The following DMRTA1 variants were observed in gnomAD, a reference collection of about 807,000 sequenced individuals.
DMRTA1 encodes the protein doublesex- and mab-3-related transcription factor A1.
Under a neutral mutation model 35.2 loss-of-function variants are expected in DMRTA1, and 34 were observed. The ratio of observed to expected loss-of-function variants is 0.97; its 90% CI spans 0.74 to 1.29. The LOEUF (loss-of-function observed/expected upper bound fraction) is 1.29, where lower values mean the gene tolerates loss of function less well. Among genes scored for constraint, DMRTA1 ranks in the 50% most tolerant of loss-of-function variants. The pLI is 0.00. For synonymous variants in DMRTA1, 344 were observed against 276.6 expected, an observed-to-expected ratio of 1.24 and a Z score of -2.42; for missense variants, 824 against 644.6, an observed-to-expected ratio of 1.28 and a Z score of -3.01.
Position 22,446,909 on chromosome 9 carries a change from C to A in DMRTA1, c.-157C>A. 1.1e-6 allele frequency: 1 copy of A among 937,370 alleles called. No homozygotes were observed. Among genetic ancestry groups the A allele is most frequent in the Non-Finnish European group, 1.6e-6 (1 of 643,850 alleles). 58.1% of individuals were successfully genotyped at this position (937,370 alleles called of 1,614,324 possible). On this transcript the variant is annotated 5_prime_UTR_variant, in exon 1 of 2. Transcript: ENST00000325870. Reference sequence around the variant, plus strand: ...GCTCCAGGACGCGGTCGTCCCAACTCCTTCCGAGTGGAAAGAGTGTAAAAC... The same window carrying A: ...GCTCCAGGACGCGGTCGTCCCAACTACTTCCGAGTGGAAAGAGTGTAAAAC...
Position 22,447,696 on chromosome 9 carries a change from G to C in DMRTA1, c.631G>C (p.Glu211Gln). The C allele has an allele frequency of 6.2e-7, 1 of 1,613,370 alleles. No homozygotes were observed. Among genetic ancestry groups the C allele is most frequent in the Non-Finnish European group, 8.5e-7 (1 of 1,180,006 alleles). ...CAGTGGTTCCGCGACCCCCGCTTTC[G>C]AAGTTTTCCAGCAAGATTATCCTGA... ...QASGSATPAFEVFQQDYPEEK... is the reference protein window; with the variant it reads ...QASGSATPAFQVFQQDYPEEK... Residue 211 changes from glutamate (E) to glutamine (Q), a missense_variant, in exon 1 of 2, where the codon GAA becomes CAA. Glu to Gln is a conservative substitution (Grantham distance 29, BLOSUM62 2). Coordinates refer to ENST00000325870, the MANE Select transcript of DMRTA1 (RefSeq NM_022160.3).
rs1818838319 is a variant in DMRTA1, at chr9:22,446,995, A to T, written c.-71A>T. 3 of 1,545,318 alleles carry T rather than the reference A, an allele frequency of 1.9e-6. No homozygotes were observed. Among genetic ancestry groups the T allele is most frequent in the Non-Finnish European group, 2.6e-6 (3 of 1,144,326 alleles). ...CGGCGCGTCCTGCCCCGGCTTCCCC[A>T]GCCTCCCAGCAGGGTTAGCTGCGGT... On this transcript the variant is annotated 5_prime_UTR_variant, in exon 1 of 2. Coordinates refer to ENST00000325870, the MANE Select transcript of DMRTA1 (RefSeq NM_022160.3).
rs1818944488 is a variant in DMRTA1 at position 22,452,362 on chromosome 9, CTG to C, written c.*453_*454del. On this transcript the variant is annotated 3_prime_UTR_variant, in exon 2 of 2. Transcript: ENST00000325870. ...ATTCTAAATAATTACCATTTCAAAA[CTG>C]TTTCTTCTATTCCTGGTTCATAGGA... The C allele has an allele frequency of 6.5e-6, 1 of 152,800 alleles. No individual in the cohort carries two copies. The highest frequency in any genetic ancestry group is 2.4e-5 in the African/African-American group (1 of 41,432). 9.5% of individuals were successfully genotyped at this position (152,800 alleles called of 1,614,324 possible).
At chr9:22,449,497 G>A (rs1021861696) in intron 1 of DMRTA1, among the ~76,000 whole-genome samples, 17 of 152,066 alleles carry the variant, frequency 1.1e-4, no homozygotes, top group African/African-American at 3.4e-4. Context: ...TGTACTGTGA[G>A]TAAAATATAA....
At position 22,455,737 on chromosome 9, in the gene DMRTA1, C is replaced by G. The variant is rs1818995345; in HGVS notation, c.*3826C>G. 1.3e-5 allele frequency: 2 copies of G among 152,120 alleles called. No homozygotes were observed. Among genetic ancestry groups the G allele is most frequent in the South Asian group, 2.1e-4 (1 of 4,822 alleles). The allele number at this position is 152,120 out of a possible 1,614,324, so 9.4% of individuals were successfully genotyped here. On this transcript the variant is annotated 3_prime_UTR_variant, in exon 2 of 2. Coordinates refer to ENST00000325870, the MANE Select transcript of DMRTA1 (RefSeq NM_022160.3). ...TTCTGAAGAAAATAAACATCGAAAT[C>G]ATAGTTTGTGTTTATGCTACATTTA...
At position 22,447,484 on chromosome 9, in the gene DMRTA1, T is replaced by G. The variant is rs1421790714; in HGVS notation, c.419T>G (p.Val140Gly). 1.3e-6 allele frequency: 2 copies of G among 1,559,126 alleles called. No homozygotes were observed. Among genetic ancestry groups the G allele is most frequent in the Admixed American group, 1.9e-5 (1 of 53,466 alleles). The change falls in exon 1 of 2, where the codon GTG (valine) becomes GGG (glycine). Residue 140 changes from valine (V) to glycine (G), a missense_variant. Coordinates refer to ENST00000325870, the MANE Select transcript of DMRTA1 (RefSeq NM_022160.3). ...AERQRVMAAQ[V>G]ALRRQQAQEE... ...CGCCAGCGCGTCATGGCCGCCCAGG[T>G]GGCGCTGCGCAGGCAGCAGGCGCAG...
rs759531750 is a variant in DMRTA1, at chr9:22,447,464, G to C, written c.399G>C (p.Gln133His). 52 of 1,554,224 alleles carry C rather than the reference G, an allele frequency of 3.3e-5. No individual in the cohort carries two copies. The highest frequency in any genetic ancestry group is 4.0e-5 in the Non-Finnish European group (46 of 1,151,026). Residue 133 changes from glutamine (Q) to histidine (H), a missense_variant, in exon 1 of 2, where the codon CAG (glutamine) becomes CAC (histidine). Physicochemically the swap from Gln to His is conservative, Grantham distance 24. Transcript: ENST00000325870. ...CAKCTLIAER[Q>H]RVMAAQVALR... ...AGTGCACCCTGATCGCCGAGCGCCA[G>C]CGCGTCATGGCCGCCCAGGTGGCGC... is the stretch of plus-strand genomic sequence containing the variant.
Position 22,451,703 on chromosome 9 carries a change from C to A in DMRTA1, c.1307C>A (p.Pro436Gln). 6.2e-7 allele frequency: 1 copy of A among 1,614,066 alleles called. No individual in the cohort carries two copies. The highest frequency in any genetic ancestry group is 8.5e-7 in the Non-Finnish European group (1 of 1,179,956). ...GTAAATCCTAGAGTAGGTATCAGTCCATTAAGGCTGGCATATTCTTCTGCA... is the reference window on the plus strand; with the variant it reads ...GTAAATCCTAGAGTAGGTATCAGTCAATTAAGGCTGGCATATTCTTCTGCA... The part of the protein sequence containing the change: ...YGVNPRVGIS[P>Q]LRLAYSSAGR... The change falls in exon 2 of 2, where the codon CCA becomes CAA. Residue 436 changes from proline to glutamine, a missense_variant. Pro to Gln is a moderately conservative substitution (Grantham distance 76). Coordinates refer to ENST00000325870, the MANE Select transcript of DMRTA1 (RefSeq NM_022160.3).
rs1563826820 is a variant in DMRTA1 at position 22,451,830 on chromosome 9, T to A, written c.1434T>A (p.Ile478=). The change falls in exon 2 of 2, where the codon ATT becomes ATA. Residue 478 remains isoleucine (I), a synonymous_variant. Coordinates refer to ENST00000325870, the MANE Select transcript of DMRTA1 (RefSeq NM_022160.3). The part of the protein sequence containing the change: ...PALDYAFSGM[I]RDSSYLSSKD... ...TGGATTATGCCTTTTCAGGGATGAT[T>A]AGAGATTCTTCCTACCTTTCCAGTA... 2.5e-6 allele frequency: 4 copies of A among 1,614,094 alleles called. No homozygotes were observed. The Admixed American group carries it at 6.7e-5, about 27-fold the overall frequency.
Position 22,451,724 on chromosome 9 carries a change from C to T in DMRTA1, c.1328C>T (p.Ser443Phe). The change falls in exon 2 of 2, where the codon TCT (serine) becomes TTT (phenylalanine). Residue 443 changes from serine to phenylalanine, a missense_variant. Coordinates refer to ENST00000325870, the MANE Select transcript of DMRTA1 (RefSeq NM_022160.3). ...AGTCCATTAAGGCTGGCATATTCTTCTGCAGGAAGAGGGTTATCTGGTTTT... is the reference window on the plus strand; with the variant it reads ...AGTCCATTAAGGCTGGCATATTCTTTTGCAGGAAGAGGGTTATCTGGTTTT... ...GISPLRLAYS[S>F]AGRGLSGFMS... is the part of the protein sequence containing the mutation. The T allele has an allele frequency of 6.2e-7, 1 of 1,614,096 alleles. No individual in the cohort carries two copies. Among genetic ancestry groups the T allele is most frequent in the South Asian group, 1.1e-5 (1 of 91,082 alleles).
Position 22,451,498 on chromosome 9 carries a change from G to T in DMRTA1, c.1102G>T (p.Glu368Ter). 1.9e-6 allele frequency: 3 copies of T among 1,614,142 alleles called. No individual in the cohort carries two copies. Among genetic ancestry groups the T allele is most frequent in the Non-Finnish European group, 2.5e-6 (3 of 1,179,988 alleles). ...CATTGAACAGGTTTTAAATGGCAAA[G>T]AACACAAGCCAGACAACAGGAACCT... ...QAIEQVLNGK[E>*]HKPDNRNLAN... Residue 368 changes from glutamate to a stop codon, truncating the protein, a stop_gained, in exon 2 of 2, where the codon GAA becomes TAA. Coordinates refer to ENST00000325870, the MANE Select transcript of DMRTA1 (RefSeq NM_022160.3). LOFTEE classifies it high-confidence loss of function.
rs1221728620 is a variant in DMRTA1, at chr9:22,453,946, A to G, written c.*2035A>G. The G allele has an allele frequency of 5.9e-5, 9 of 152,104 alleles. No homozygotes were observed. Among genetic ancestry groups the G allele is most frequent in the Admixed American group, 6.6e-5 (1 of 15,248 alleles). 9.4% of individuals were successfully genotyped at this position (152,104 alleles called of 1,614,324 possible). A position where few individuals can be genotyped will look rare whatever the true frequency, so the allele number is the denominator to read the frequency against. On this transcript the variant is annotated 3_prime_UTR_variant, in exon 2 of 2. Coordinates refer to ENST00000325870, the MANE Select transcript of DMRTA1 (RefSeq NM_022160.3). ...AAATCCTAGAGTTACTGCATTATGTATGTGGTTTTATAATGATGTGCTTGT... is the reference window on the plus strand; with the variant it reads ...AAATCCTAGAGTTACTGCATTATGTGTGTGGTTTTATAATGATGTGCTTGT...
Position 22,450,989 on chromosome 9 carries a change from T to C in DMRTA1, c.668-75T>C, listed in dbSNP as rs79094105. On this transcript the variant is annotated intron_variant, in intron 1 of 1. Transcript: ENST00000325870. The stretch of plus-strand genomic sequence containing the variant: ...AGTGAATTAATTATATTATCCAGCA[T>C]TATTTTTGAGTGAGCAGTACCACAT... 2,890 of 1,426,410 alleles carry C rather than the reference T, an allele frequency of 2.0e-3. 51 individuals carry two copies. The African/African-American group carries it at 0.037, about 18-fold the overall frequency. The allele number at this position is 1,426,410 out of a possible 1,614,324, so 88.4% of individuals were successfully genotyped here.
chr9:22,452,820 T>C lies in DMRTA1; in HGVS notation c.*909T>C, dbSNP rs1054812897. ...TATCTGGGGAAATATCCTTAAAAGT[T>C]TGGGACAAGAATATATGGCAGCCAT... On this transcript the variant is annotated 3_prime_UTR_variant, in exon 2 of 2. Transcript: ENST00000325870. 6 of 152,100 alleles carry C rather than the reference T, an allele frequency of 3.9e-5. No individual in the cohort carries two copies. Among genetic ancestry groups the C allele is most frequent in the Non-Finnish European group, 7.4e-5 (5 of 67,982 alleles). The allele number at this position is 152,100 out of a possible 1,614,324, so 9.4% of individuals were successfully genotyped here. A position where few individuals can be genotyped will look rare whatever the true frequency, so the allele number is the denominator to read the frequency against.
chr9:22,448,369 G>T (rs557053178), intron 1 of DMRTA1, among the ~76,000 whole-genome samples: 1 of 152,186 alleles, frequency 6.6e-6, no homozygotes, highest in Non-Finnish European at 1.5e-5. Context: ...CCAAACCATC[G>T]TCTTTCTTTG....
chr9:22,451,185 C>G lies in DMRTA1; in HGVS notation c.789C>G (p.Ile263Met), dbSNP rs181512603. Residue 263 changes from isoleucine (I) to methionine (M), a missense_variant, in exon 2 of 2, where the codon ATC (isoleucine) becomes ATG (methionine). Ile to Met is a conservative substitution (Grantham distance 10). Coordinates refer to ENST00000325870, the MANE Select transcript of DMRTA1 (RefSeq NM_022160.3). ...RSNGVIGKQS[I>M]GSSISEYSNK... ...ATGGTGTCATTGGGAAACAAAGTAT[C>G]GGGTCATCTATTTCAGAATACTCCA... is the stretch of plus-strand genomic sequence containing the variant. The G allele has an allele frequency of 6.2e-7, 1 of 1,613,962 alleles. No individual in the cohort carries two copies. Among genetic ancestry groups the G allele is most frequent in the Non-Finnish European group, 8.5e-7 (1 of 1,179,978 alleles).
In DMRTA1 at chr9:22,452,158, G is replaced by A. The variant is rs1314955330; in HGVS notation, c.*247G>A. ...ATGTGCCTTGAATAAAGCTATTTCA[G>A]GAAATATTTAATGAATTTTCTCCCT... On this transcript the variant is annotated 3_prime_UTR_variant, in exon 2 of 2. Coordinates refer to ENST00000325870, the MANE Select transcript of DMRTA1 (RefSeq NM_022160.3). 7 of 258,932 alleles carry A rather than the reference G, an allele frequency of 2.7e-5. No individual in the cohort carries two copies. The highest frequency in any genetic ancestry group is 1.5e-4 in the East Asian group (2 of 13,392). 16.0% of individuals were successfully genotyped at this position (258,932 alleles called of 1,614,324 possible).
At chr9:22,448,354 A>G (rs1215305580) in intron 1 of DMRTA1, among the ~76,000 whole-genome samples, 2 of 152,186 alleles carry the variant, frequency 1.3e-5, no homozygotes, top group Admixed American at 6.5e-5. Context: ...AGAGACTGAA[A>G]TCTACCAAAC....
chr9:22,454,860 A>C lies in DMRTA1; in HGVS notation c.*2949A>C, dbSNP rs979306071. 2.6e-5 allele frequency: 4 copies of C among 152,166 alleles called. No homozygotes were observed. The highest frequency in any genetic ancestry group is 4.4e-5 in the Non-Finnish European group (3 of 68,020). 9.4% of individuals were successfully genotyped at this position (152,166 alleles called of 1,614,324 possible). ...ATAAAGCATCTGGAACTCATTGAAA[A>C]ATGCATGTAGAAAATACCAATCAGA... is the stretch of plus-strand genomic sequence containing the variant. On this transcript the variant is annotated 3_prime_UTR_variant, in exon 2 of 2. Coordinates refer to ENST00000325870, the MANE Select transcript of DMRTA1 (RefSeq NM_022160.3).
Sources: gnomAD v4.1 joint callset for allele counts (sites outside exome capture counted in the v4.1 genomes callset) on GRCh38, gnomAD v4.1.1 for gene constraint, MANE v1.5 for transcripts, NCBI Gene and HGNC (gene_info 2026-07-23, HGNC 2026-07-21) for gene names.